Variants in ZNF285 observed in about 807,000 individuals in gnomAD.
The protein encoded by ZNF285 is zinc finger protein 285, also known as zinc finger protein 285A.
In ZNF285, 4 loss-of-function variants were observed where a neutral mutation model predicts 6.2. The ratio of observed to expected loss-of-function variants is 0.65; its 90% CI spans 0.32 to 1.49. ZNF285 has a LOEUF of 1.49. ZNF285 is among the 40% of genes most tolerant of loss of function. ZNF285 has a pLI of 0.07. For missense variants in ZNF285, 695 were observed against 708.8 expected (o/e 0.98, Z 0.22); for synonymous variants, 240 against 245.8 (o/e 0.98, Z 0.22).
rs1481163919 is a variant in ZNF285, at chr19:44,385,864, T to C, written c.*608A>G. ...CTAGAACTCAATCACATGGGCACAC[T>C]CTTAACTGCAAGGGTTACTGGGAAA... On this transcript the variant is annotated 3_prime_UTR_variant, in exon 4 of 4. Transcript: ENST00000614994. The C allele has an allele frequency of 6.5e-6, 1 of 154,224 alleles. No individual in the cohort carries two copies. Among genetic ancestry groups the C allele is most frequent in the Non-Finnish European group, 1.4e-5 (1 of 69,418 alleles). The allele number at this position is 154,224 out of a possible 1,614,324, so 9.6% of individuals were successfully genotyped here.
At chr19:44,395,930 C>A (rs2571132) in intron 2 of ZNF285, among the ~76,000 whole-genome samples, 1 of 151,992 alleles carries the variant, frequency 6.6e-6, no homozygotes, top group South Asian at 2.1e-4. Flanking sequence ...GCTTTAGGTC[C>A]AGGCCATAAC....
intron 3 of ZNF285, among the ~76,000 whole-genome samples, chr19:44,391,649 T>C (rs1971198216): frequency 6.6e-6 from 1 of 151,960 alleles, no homozygotes; most frequent in Admixed American, 6.5e-5. Context: ...CCCTGCCCCA[T>C]GATTCAGTTA....
Position 44,387,311 on chromosome 19 carries a change from C to A in ZNF285, c.934G>T (p.Gly312Ter). Residue 312 changes from glycine (G) to a stop codon, truncating the protein, a stop_gained, in exon 4 of 4, where the codon GGA (glycine) becomes TGA (stop). Transcript: ENST00000614994. LOFTEE classifies it low-confidence loss of function (END_TRUNC). ...TCTTTACATTTGTAGGGTTTGTCTC[C>A]TGAGGAGACTTTCTGATATCTGGGA... The part of the protein sequence containing the change: ...DLPRYQKVSS[G>*]DKPYKCKECG... The A allele has an allele frequency of 6.2e-7, 1 of 1,614,150 alleles. No homozygotes were observed. Among genetic ancestry groups the A allele is most frequent in the Non-Finnish European group, 8.5e-7 (1 of 1,180,022 alleles).
At chr19:44,394,878 G>T (rs925493427) in intron 2 of ZNF285, among the ~76,000 whole-genome samples, 1 of 152,176 alleles carries the variant, frequency 6.6e-6, no homozygotes, top group African/African-American at 2.4e-5. Context: ...ACTACTGTAT[G>T]CCTTCTTCTG....
intron 1 of ZNF285, among the ~76,000 whole-genome samples, chr19:44,401,088 G>A (rs148595630): frequency 0.049 from 7,481 of 151,900 alleles, 264 homozygotes; most frequent in Middle Eastern, 0.12. Context: ...AGCCAGAATC[G>A]CCCCCACCAA....
chr19:44,394,462 T>C (rs1249441793), intron 2 of ZNF285: 2 of 492,480 alleles, frequency 4.1e-6, no homozygotes, highest in Non-Finnish European at 7.0e-6. Flanking sequence ...GCTGATTACC[T>C]GGGTGACAAA....
chr19:44,400,507 C>T (rs942707057), intron 1 of ZNF285, among the ~76,000 whole-genome samples: 12 of 152,138 alleles, frequency 7.9e-5, no homozygotes, highest in Non-Finnish European at 1.8e-4. Context: ...TTATAATACT[C>T]AAAGTCCCTA....
chr19:44,397,108 T>G, intron 2 of ZNF285, 91 bp downstream of exon 2: 12 of 1,591,588 alleles, frequency 7.5e-6, no homozygotes, highest in Non-Finnish European at 1.0e-5. Flanking sequence ...TAGTAGTCAC[T>G]CAAAAAATGC....
intron 2 of ZNF285, chr19:44,396,844 C>T (rs191892135): frequency 1 from 294,123 of 294,588 alleles, 146,829 homozygotes; most frequent in Middle Eastern, 1. Flanking sequence ...AGTATGGTCA[C>T]GTATATGCTG....
rs1236379451 is a variant in ZNF285, at chr19:44,396,892, G to A, written c.15+307C>T. ...GATGCTGCGGCAACACCAAATTTCT[G>A]TAAGTTTCTGAACTTACTCTTGATT... On this transcript the variant is annotated intron_variant, in intron 2 of 3. Transcript: ENST00000614994. 15 of 335,700 alleles carry A rather than the reference G, an allele frequency of 4.5e-5. 1 individual carries two copies. The highest frequency in any genetic ancestry group is 2.4e-4 in the African/African-American group (7 of 29,420). The allele number at this position is 335,700 out of a possible 1,614,324, so 20.8% of individuals were successfully genotyped here.
intron 2 of ZNF285, among the ~76,000 whole-genome samples, chr19:44,392,915 T>C (rs1167126664): frequency 6.6e-6 from 1 of 152,196 alleles, no homozygotes; most frequent in Non-Finnish European, 1.5e-5. Flanking sequence ...ATTTTCACTT[T>C]TTCATGGCAG....
At chr19:44,391,784 C>T (rs1269483521) in intron 3 of ZNF285, among the ~76,000 whole-genome samples, 1 of 152,042 alleles carries the variant, frequency 6.6e-6, no homozygotes, top group African/African-American at 2.4e-5. Flanking sequence ...TAACATATAA[C>T]TGTATATGAA....
At chr19:44,391,073 G>A (rs1419434137) in intron 3 of ZNF285, among the ~76,000 whole-genome samples, 1 of 151,338 alleles carries the variant, frequency 6.6e-6, no homozygotes, top group Non-Finnish European at 1.5e-5. Flanking sequence ...AGAATTGCTT[G>A]AACTTGGGAG....
Position 44,392,351 on chromosome 19 carries a change from A to G in ZNF285, c.131T>C (p.Leu44Pro). The G allele has an allele frequency of 6.2e-7, 1 of 1,613,868 alleles. No homozygotes were observed. Among genetic ancestry groups the G allele is most frequent in the Non-Finnish European group, 8.5e-7 (1 of 1,179,826 alleles). Residue 44 changes from leucine to proline, a missense_variant, in exon 3 of 4, where the codon CTC (leucine) becomes CCC (proline). Transcript: ENST00000614994. ...GCTCAGTTACTCACTCACTAACATGAGGTTCCTGAAGTTTTCCAGCATCAC... is the reference window on the plus strand; with the variant it reads ...GCTCAGTTACTCACTCACTAACATGGGGTTCCTGAAGTTTTCCAGCATCAC... ...QDVMLENFRN[L>P]MLVRDGIKNN...
chr19:44,392,859 A>G (rs1315227920), intron 2 of ZNF285, among the ~76,000 whole-genome samples: 4 of 152,184 alleles, frequency 2.6e-5, no homozygotes, highest in Non-Finnish European at 5.9e-5. Context: ...ACACAAGTCT[A>G]GTAGCATTTC....
At position 44,385,149 on chromosome 19, in the gene ZNF285, A is replaced by G. The variant is rs547119201; in HGVS notation, c.*1323T>C. 6.6e-6 allele frequency: 1 copy of G among 152,198 alleles called. No homozygotes were observed. Among genetic ancestry groups the G allele is most frequent in the Admixed American group, 6.5e-5 (1 of 15,276 alleles). The allele number at this position is 152,198 out of a possible 1,614,324, so 9.4% of individuals were successfully genotyped here. ...ACAGGTCTGCTGAGAAGAAGACTGCATCAGTCTGCAATGAACACTGTTGGT... is the reference window on the plus strand; with the variant it reads ...ACAGGTCTGCTGAGAAGAAGACTGCGTCAGTCTGCAATGAACACTGTTGGT... On this transcript the variant is annotated 3_prime_UTR_variant, in exon 4 of 4. Transcript: ENST00000614994.
At chr19:44,396,456 T>C (rs1462415741) in intron 2 of ZNF285, among the ~76,000 whole-genome samples, 1 of 152,186 alleles carries the variant, frequency 6.6e-6, no homozygotes, top group Non-Finnish European at 1.5e-5. Context: ...GGTATTGCTA[T>C]GAAGATAATT....
At position 44,387,471 on chromosome 19, in the gene ZNF285, T is replaced by C. The variant is rs547013878; in HGVS notation, c.774A>G (p.Lys258=). The change falls in exon 4 of 4, where the codon AAA becomes AAG. Residue 258 remains lysine, a synonymous_variant. Transcript: ENST00000614994. ...HVHHSTHLGE[K]SYKCDQYGKN... Reference sequence around the variant, plus strand: ...TTCCATACTGGTCACATTTATAAGATTTTTCTCCTAGGTGAGTGCTGTGAT... The same window carrying C: ...TTCCATACTGGTCACATTTATAAGACTTTTCTCCTAGGTGAGTGCTGTGAT... The C allele has an allele frequency of 3.1e-6, 5 of 1,613,952 alleles. No individual in the cohort carries two copies. In the Admixed American group the frequency reaches 6.7e-5, roughly 22 times the overall value.
intron 1 of ZNF285, among the ~76,000 whole-genome samples, chr19:44,398,425 TCC>T (rs1343412721): frequency 1.3e-5 from 2 of 152,166 alleles, no homozygotes; most frequent in Non-Finnish European, 2.9e-5. Context: ...GAATATTTAT[TCC>T]CCCAGGTTTT....
Sources: allele counts gnomAD v4.1 joint callset (sites outside exome capture counted in the v4.1 genomes callset), GRCh38; gene constraint gnomAD v4.1.1; transcripts MANE v1.5; gene names NCBI Gene and HGNC (gene_info 2026-07-23, HGNC 2026-07-21).